Variants in UBR3 observed in about 807,000 individuals in gnomAD.
UBR3 encodes E3 ubiquitin-protein ligase UBR3.
A neutral mutation model predicts 243.2 loss-of-function variants in UBR3; 85 were observed. The ratio of observed to expected loss-of-function variants is 0.35; its 90% CI spans 0.29 to 0.42. The LOEUF (loss-of-function observed/expected upper bound fraction) is 0.42. Ranked by LOEUF, UBR3 falls within the 10% of genes least tolerant of loss-of-function variation. The pLI, the probability that UBR3 is intolerant of heterozygous loss-of-function variation, is 1.00. For synonymous variants in UBR3, 748 were observed against 799.8 expected, an observed-to-expected ratio of 0.94 and a Z score of 1.09; for missense variants, 1,686 against 2,300.8, an observed-to-expected ratio of 0.73 and a Z score of 5.47.
chr2:169,980,186 T>C (rs2088654075), intron 24 of UBR3, among the ~76,000 whole-genome samples: 1 of 152,236 alleles, frequency 6.6e-6, no homozygotes, highest in Non-Finnish European at 1.5e-5. Context: ...TGGCAGATGA[T>C]GAGAGCTGGA....
Position 169,874,313 on chromosome 2 carries a change from C to T in UBR3, c.686-1478C>T, listed in dbSNP as rs370462700. Among the ~76,000 whole-genome samples the T allele has an allele frequency of 4.9e-4, 74 of 152,066 alleles. 1 individual carries two copies. In the South Asian group the frequency reaches 5.2e-3, roughly 11 times the overall value. ...CCTCCCAAACAGCTGGAATTACAGG[C>T]GCCCACCACCACGCCCGGCTAATTT... is the stretch of plus-strand genomic sequence containing the variant. On this transcript the variant is annotated intron_variant, in intron 2 of 38. Coordinates refer to ENST00000272793, the MANE Select transcript of UBR3 (RefSeq NM_172070.4).
Position 169,886,558 on chromosome 2 carries a change from G to A in UBR3, c.1039-4607G>A, listed in dbSNP as rs936807197. Among the ~76,000 whole-genome samples, 11 of 151,996 alleles carry A rather than the reference G, an allele frequency of 7.2e-5. No homozygotes were observed. The East Asian group carries it at 1.5e-3, about 21-fold the overall frequency. On this transcript the variant is annotated intron_variant, in intron 5 of 38. Coordinates refer to ENST00000272793, the MANE Select transcript of UBR3 (RefSeq NM_172070.4). ...CTTTTAGATATTAATATTTTCTGTC[G>A]CGCATAGTTCTTTCTTTTCACTGTC... is the stretch of plus-strand genomic sequence containing the variant.
At chr2:170,040,348 C>T (rs1194788047) in intron 31 of UBR3, among the ~76,000 whole-genome samples, 4 of 152,014 alleles carry the variant, frequency 2.6e-5, no homozygotes, top group Non-Finnish European at 2.9e-5. Context: ...TCAAGTGATC[C>T]GCCTGCCTCA....
At chr2:170,025,364 C>T (rs1323566572) in intron 30 of UBR3, among the ~76,000 whole-genome samples, 1 of 152,112 alleles carries the variant, frequency 6.6e-6, no homozygotes, top group African/African-American at 2.4e-5. Flanking sequence ...GAGAACCTTA[C>T]AGAGCAGCAC....
chr2:169,947,563 C>A lies in UBR3; in HGVS notation c.2932C>A (p.Arg978Ser), dbSNP rs535968546. 1.3e-6 allele frequency: 2 copies of A among 1,507,576 alleles called. No homozygotes were observed. Among genetic ancestry groups the A allele is most frequent in the East Asian group, 5.1e-5 (2 of 39,516 alleles). 93.4% of individuals were successfully genotyped at this position (1,507,576 alleles called of 1,614,324 possible). A position where few individuals can be genotyped will look rare whatever the true frequency, so the allele number is the denominator to read the frequency against. Reference protein sequence around the residue: ...DEEASVGGPERCHDSWFPGSN... With the variant: ...DEEASVGGPESCHDSWFPGSN... ...TTAGGCATCAGTGGGTGGACCAGAACGTTGTCATGACAGTTGGTTTCCTGG... is the reference window on the plus strand; with the variant it reads ...TTAGGCATCAGTGGGTGGACCAGAAAGTTGTCATGACAGTTGGTTTCCTGG... Residue 978 changes from arginine (R) to serine (S), a missense_variant, in exon 22 of 39, where the codon CGT becomes AGT. By Grantham distance (110) the Arg-to-Ser change is moderately radical (BLOSUM62 -1). This residue lies in a region of UBR3 where 300 missense variants were observed against 314.4 expected (regional missense o/e 0.95). Transcript: ENST00000272793.
chr2:169,875,822 C>G lies in UBR3; in HGVS notation c.717C>G (p.Asn239Lys), dbSNP rs557928521. 3.2e-6 allele frequency: 5 copies of G among 1,545,314 alleles called. No homozygotes were observed. Among genetic ancestry groups the G allele is most frequent in the African/African-American group, 1.4e-5 (1 of 72,708 alleles). ...AADGPSEKDL[N>K]KVLQLLEPQI... is the part of the protein sequence containing the mutation. ...ATGGACCATCAGAAAAGGACCTTAA[C>G]AAAGTCCTTCAGCTTTTGGAACCTC... Residue 239 changes from asparagine (N) to lysine (K), a missense_variant, in exon 3 of 39, where the codon AAC (asparagine) becomes AAG (lysine). Transcript: ENST00000272793.
chr2:170,049,494 C>T (rs988295575), intron 32 of UBR3, among the ~76,000 whole-genome samples: 7 of 152,062 alleles, frequency 4.6e-5, no homozygotes, highest in East Asian at 1.9e-4. Context: ...CAGAACTATC[C>T]GCAGTTTCAG....
intron 11 of UBR3, among the ~76,000 whole-genome samples, chr2:169,922,818 A>G (rs2085758823): frequency 6.6e-6 from 1 of 152,156 alleles, no homozygotes; most frequent in Non-Finnish European, 1.5e-5. Flanking sequence ...TATTTATTAG[A>G]ACAAATTTTT....
At position 169,958,671 on chromosome 2, in the gene UBR3, G is replaced by C. The variant is rs538757552; in HGVS notation, c.3634+145G>C. ...GTCCTTAAACAATATAGTGATGGAA[G>C]ATCAGACTTTTATTATAGACTTTTA... On this transcript the variant is annotated intron_variant, in intron 24 of 38. Transcript: ENST00000272793. The C allele has an allele frequency of 6.3e-6, 4 of 639,318 alleles. No individual in the cohort carries two copies. The African/African-American group carries it at 7.5e-5, about 12-fold the overall frequency. The allele number at this position is 639,318 out of a possible 1,614,324, so 39.6% of individuals were successfully genotyped here.
chr2:169,926,914 A>T lies in UBR3; in HGVS notation c.2281A>T (p.Met761Leu), dbSNP rs1478865047. 2 of 1,551,182 alleles carry T rather than the reference A, an allele frequency of 1.3e-6. No homozygotes were observed. Among genetic ancestry groups the T allele is most frequent in the Non-Finnish European group, 1.7e-6 (2 of 1,146,688 alleles). Residue 761 changes from methionine (M) to leucine (L), a missense_variant, in exon 16 of 39, where the codon ATG becomes TTG. This residue lies in a region of UBR3 where 346 missense variants were observed against 585.8 expected (regional missense o/e 0.59). Transcript: ENST00000272793. ...TVLDAEHERS[M>L]LEGALTFLVI... The stretch of plus-strand genomic sequence containing the variant: ...ACTTGATGCAGAGCATGAGAGGTCG[A>T]TGTTAGAAGGCGCTCTTACATTTCT...
chr2:169,926,873 A>G lies in UBR3; in HGVS notation c.2240A>G (p.Gln747Arg), dbSNP rs2085929678. The G allele has an allele frequency of 1.9e-6, 3 of 1,549,968 alleles. No homozygotes were observed. The East Asian group carries it at 7.3e-5, about 38-fold the overall frequency. ...GTGGATTTGTTGACAATGGCATCACAACATCAAAATACAGTACTTGATGCA... is the reference window on the plus strand; with the variant it reads ...GTGGATTTGTTGACAATGGCATCACGACATCAAAATACAGTACTTGATGCA... ...KVVDLLTMASQHQNTVLDAEH... is the reference protein window; with the variant it reads ...KVVDLLTMASRHQNTVLDAEH... Residue 747 changes from glutamine to arginine, a missense_variant, in exon 16 of 39, where the codon CAA becomes CGA. Gln to Arg is a conservative substitution (Grantham distance 43). This residue lies in a region of UBR3 where 346 missense variants were observed against 585.8 expected (regional missense o/e 0.59). Transcript: ENST00000272793.
chr2:169,841,624 G>A (rs186317709), intron 1 of UBR3, among the ~76,000 whole-genome samples: 6,617 of 152,262 alleles, frequency 0.043, 165 homozygotes, highest in Middle Eastern at 0.065. Flanking sequence ...CCCTGCACTC[G>A]GAGCAGCCAG....
In UBR3 at chr2:170,029,336, A is replaced by T. The variant is rs371288431; in HGVS notation, c.4454-10A>T. 1.3e-6 allele frequency: 2 copies of T among 1,587,836 alleles called. No individual in the cohort carries two copies. Among genetic ancestry groups the T allele is most frequent in the African/African-American group, 1.4e-5 (1 of 73,220 alleles). Reference sequence around the variant, plus strand: ...GAACTTTCTAATTACCTTTTCTTCAATTTTTTCAGATCAGCTGTTTCATGT... The same window carrying T: ...GAACTTTCTAATTACCTTTTCTTCATTTTTTTCAGATCAGCTGTTTCATGT... On this transcript the variant is annotated splice_polypyrimidine_tract_variant and intron_variant, in intron 30 of 38. Coordinates refer to ENST00000272793, the MANE Select transcript of UBR3 (RefSeq NM_172070.4).
intron 11 of UBR3, among the ~76,000 whole-genome samples, chr2:169,914,417 A>G (rs901823512): frequency 6.6e-5 from 10 of 152,172 alleles, no homozygotes; most frequent in Non-Finnish European, 1.0e-4. Flanking sequence ...TATTAAGTAT[A>G]TGTGTCTCAT....
chr2:170,060,193 T>C (rs748538739), intron 33 of UBR3, among the ~76,000 whole-genome samples: 1 of 152,190 alleles, frequency 6.6e-6, no homozygotes, highest in Non-Finnish European at 1.5e-5. Flanking sequence ...GTTCTGACTT[T>C]ATCCCAATTT....
At chr2:169,872,524 C>A in intron 2 of UBR3, 149 bp downstream of exon 2, 2 of 587,364 alleles carry the variant, frequency 3.4e-6, no homozygotes, top group Non-Finnish European at 5.5e-6. Flanking sequence ...TGAATAGAAA[C>A]ACACTAAAAA....
intron 5 of UBR3, among the ~76,000 whole-genome samples, chr2:169,884,188 CA>C (rs2084002640): frequency 6.9e-6 from 1 of 145,396 alleles, no homozygotes; most frequent in Admixed American, 7.0e-5. Flanking sequence ...CGGAGTCTTG[CA>C]CTGTCGCCCA....
intron 26 of UBR3, among the ~76,000 whole-genome samples, chr2:169,996,060 C>T (rs1242908016): frequency 6.6e-6 from 1 of 152,096 alleles, no homozygotes; most frequent in Non-Finnish European, 1.5e-5. Flanking sequence ...GCCCATAAAT[C>T]CATTGGTTGA....
At chr2:169,963,956 A>G (rs1429541901) in intron 24 of UBR3, among the ~76,000 whole-genome samples, 3 of 152,168 alleles carry the variant, frequency 2.0e-5, no homozygotes, top group Non-Finnish European at 4.4e-5. Context: ...TTACTGCTAA[A>G]TACTTTTAAC....
Sources: allele counts gnomAD v4.1 joint callset (sites outside exome capture counted in the v4.1 genomes callset), GRCh38; gene constraint gnomAD v4.1.1; regional missense constraint gnomAD v4.1.1; transcripts MANE v1.5; gene names NCBI Gene and HGNC (gene_info 2026-07-23, HGNC 2026-07-21).